The following CEP135 variants were observed in gnomAD, a reference collection of about 807,000 sequenced individuals.
The protein encoded by CEP135 is centrosomal protein of 135 kDa.
CEP135 carries 142 observed loss-of-function variants against 157.3 expected under a neutral mutation model. That is an observed-to-expected ratio of 0.90 (90% CI 0.79 to 1.04). CEP135 has a LOEUF of 1.04. Ranked by LOEUF, CEP135 falls within the 50% of genes least tolerant of loss-of-function variation. The pLI, the probability that CEP135 is intolerant of heterozygous loss-of-function variation, is 0.00. For missense variants in CEP135, 1,317 were observed against 1,309.2 expected, an observed-to-expected ratio of 1.01 and a Z score of -0.09; for synonymous variants, 396 against 439.8, an observed-to-expected ratio of 0.90 and a Z score of 1.25.
intron 23 of CEP135, 139 bp from the exon 24 acceptor site, chr4:56,020,537 A>G: frequency 1.5e-6 from 1 of 667,872 alleles, no homozygotes; most frequent in South Asian, 2.0e-5. Context: ...ATGAAAAAGA[A>G]AATGTGATAA....
At chr4:55,965,982 T>G (rs1728832516) in intron 8 of CEP135, 123 bp downstream of exon 8, 2 of 799,014 alleles carry the variant, frequency 2.5e-6, no homozygotes. Context: ...GTTTTTGTTT[T>G]TTTGCTTTGG....
At chr4:55,952,658 T>G (rs553723264) in intron 2 of CEP135, 26 of 178,374 alleles carry the variant, frequency 1.5e-4, no homozygotes, top group Non-Finnish European at 2.9e-4. Context: ...TTTTTCGTTG[T>G]ACCAACATCA....
At chr4:55,981,108 G>A (rs1242388467) in intron 12 of CEP135, 119 bp from the exon 13 acceptor site, 1 of 846,382 alleles carries the variant, frequency 1.2e-6, no homozygotes, top group East Asian at 3.3e-5. Context: ...GATTTGCGAA[G>A]AGAGTGACGG....
intron 13 of CEP135, 36 bp downstream of exon 13, chr4:55,981,415 T>C (rs748580152): frequency 5.2e-6 from 8 of 1,542,844 alleles, no homozygotes; most frequent in African/African-American, 1.4e-5. Context: ...AGGTAATTTG[T>C]TGAGAAAAAG....
intron 11 of CEP135, among the ~76,000 whole-genome samples, chr4:55,976,708 A>T (rs2593082): frequency 0.55 from 84,197 of 152,024 alleles, 23,841 homozygotes; most frequent in African/African-American, 0.67. Context: ...GCAGGCATGA[A>T]AGAGGATAGT....
chr4:56,019,595 G>A, intron 23 of CEP135, 40 bp downstream of exon 23: 2 of 1,512,448 alleles, frequency 1.3e-6, no homozygotes, highest in Non-Finnish European at 1.8e-6. Context: ...ACAATTGCTT[G>A]TGAAGGATAG....
intron 22 of CEP135, among the ~76,000 whole-genome samples, chr4:56,018,713 T>G (rs1429437263): frequency 1.1e-4 from 17 of 152,022 alleles, no homozygotes; most frequent in Admixed American, 4.6e-4. Context: ...TAAGCAGAGA[T>G]TGTGCCACTG....
At chr4:56,013,067 TA>T (rs1460828481) in intron 21 of CEP135, among the ~76,000 whole-genome samples, 1 of 152,202 alleles carries the variant, frequency 6.6e-6, no homozygotes, top group African/African-American at 2.4e-5. Context: ...GTAATTTTTT[TA>T]TTTTTTATAA....
chr4:56,025,994 A>G (rs993609029), intron 25 of CEP135, among the ~76,000 whole-genome samples: 3 of 151,862 alleles, frequency 2.0e-5, no homozygotes, highest in Non-Finnish European at 4.4e-5. Context: ...GGATCACTTG[A>G]GGTCAGGAGT....
chr4:56,025,089 T>C (rs1468279761), intron 25 of CEP135, among the ~76,000 whole-genome samples: 2 of 151,908 alleles, frequency 1.3e-5, no homozygotes, highest in East Asian at 1.9e-4. Context: ...GCCCGGAAGG[T>C]TGAGGCTGCA....
chr4:56,005,831 T>A (rs1730330513), intron 17 of CEP135, among the ~76,000 whole-genome samples: 1 of 152,238 alleles, frequency 6.6e-6, no homozygotes, highest in Non-Finnish European at 1.5e-5. Context: ...ACTTTATATC[T>A]TCATATTTGA....
At chr4:56,004,235 T>C (rs1473951254) in intron 17 of CEP135, among the ~76,000 whole-genome samples, 1 of 152,246 alleles carries the variant, frequency 6.6e-6, no homozygotes, top group Non-Finnish European at 1.5e-5. Context: ...GTTTCTCTTA[T>C]TGATTTCTAG....
chr4:56,000,820 C>A lies in CEP135; in HGVS notation c.2280+1175C>A, dbSNP rs545101002. ...GTTATAGTTTTAGTTTTTTGAGGAA[C>A]CTTCATACACTGTTTTCCATAGTGG... On this transcript the variant is annotated intron_variant, in intron 17 of 25. Transcript: ENST00000257287. 3.3e-5 allele frequency among the ~76,000 whole-genome samples: 5 copies of A among 152,020 alleles called. No individual in the cohort carries two copies. In the East Asian group the frequency reaches 9.6e-4, roughly 29 times the overall value.
At chr4:55,976,340 C>G (rs1200515511) in intron 11 of CEP135, among the ~76,000 whole-genome samples, 1 of 151,024 alleles carries the variant, frequency 6.6e-6, no homozygotes, top group African/African-American at 2.4e-5. Context: ...TTTTAAATTC[C>G]GTATATACTT....
chr4:56,022,389 G>T (rs145237999), intron 24 of CEP135, among the ~76,000 whole-genome samples: 44 of 152,208 alleles, frequency 2.9e-4, no homozygotes, highest in Non-Finnish European at 1.9e-4. Context: ...TTTCTTGGGG[G>T]TAGGGAATAG....
chr4:56,016,468 T>C (rs937359588), intron 21 of CEP135, among the ~76,000 whole-genome samples: 2 of 152,272 alleles, frequency 1.3e-5, no homozygotes, highest in East Asian at 3.9e-4. Context: ...TCTTCAATTA[T>C]TTTGTTCTTT....
chr4:55,964,363 T>G lies in CEP135; in HGVS notation c.789T>G (p.Asn263Lys). ...ATGTCCTTTCTCTGGAGTCTAGAAA[T>G]AAAACCAATGAAAAGCTTATTGCTC... ...SPDVLSLESR[N>K]KTNEKLIAHL... The change falls in exon 7 of 26, where the codon AAT becomes AAG. Residue 263 changes from asparagine to lysine, a missense_variant. Coordinates refer to ENST00000257287, the MANE Select transcript of CEP135 (RefSeq NM_025009.5). The G allele has an allele frequency of 6.2e-7, 1 of 1,611,748 alleles. No homozygotes were observed. Among genetic ancestry groups the G allele is most frequent in the East Asian group, 2.2e-5 (1 of 44,812 alleles).
At chr4:55,972,866 T>C (rs1729072616) in intron 10 of CEP135, among the ~76,000 whole-genome samples, 1 of 152,054 alleles carries the variant, frequency 6.6e-6, no homozygotes, top group African/African-American at 2.4e-5. Flanking sequence ...ACCCCATCTC[T>C]ACTAAGAAAA....
At chr4:55,961,247 A>G (rs1728671500) in intron 6 of CEP135, among the ~76,000 whole-genome samples, 1 of 151,998 alleles carries the variant, frequency 6.6e-6, no homozygotes, top group Non-Finnish European at 1.5e-5. Context: ...TTTTTCAGGT[A>G]CTTTATGAAC....
Sources: gnomAD v4.1 joint callset for allele counts (sites outside exome capture counted in the v4.1 genomes callset) on GRCh38, gnomAD v4.1.1 for gene constraint, MANE v1.5 for transcripts, NCBI Gene and HGNC (gene_info 2026-07-23, HGNC 2026-07-21) for gene names.